The following NEMP2 variants were observed in gnomAD, a reference collection of about 807,000 sequenced individuals.
The protein encoded by NEMP2 is UPF0571 transmembrane protein.
Under a neutral mutation model 54.2 loss-of-function variants are expected in NEMP2, and 53 were observed. The observed-to-expected ratio is 0.98, with a 90% CI of 0.78 to 1.23. NEMP2 has a LOEUF of 1.23. Ranked by LOEUF, NEMP2 falls within the 50% of genes most tolerant of loss-of-function variation. The pLI is 0.00. For missense variants in NEMP2, 455 were observed against 511.3 expected (o/e 0.89, Z 1.06); for synonymous variants, 197 against 190.3 (o/e 1.04, Z -0.29).
the NEMP2 span, among the ~76,000 whole-genome samples, chr2:190,477,899 C>T: frequency 1.3e-5 from 2 of 152,062 alleles, no homozygotes; most frequent in Non-Finnish European, 1.5e-5. Flanking sequence ...TTCTGAAGGG[C>T]GAATAGGAAT....
the NEMP2 span, among the ~76,000 whole-genome samples, chr2:190,456,820 C>A: frequency 2.6e-5 from 4 of 152,228 alleles, no homozygotes; most frequent in African/African-American, 4.8e-5. This position sits in a 1 kb window ranked among gnomAD's most constrained non-coding sequence, Gnocchi z 5.4. Context: ...CAGAAATGAT[C>A]TTTCAGCGCA....
the NEMP2 span, among the ~76,000 whole-genome samples, chr2:190,595,347 A>G: frequency 1.3e-5 from 2 of 152,254 alleles, no homozygotes; most frequent in African/African-American, 4.8e-5. This position sits in a 1 kb window ranked among gnomAD's most constrained non-coding sequence, Gnocchi z 4.0. Flanking sequence ...GGCATGGGCA[A>G]AGACTTCATG....
At chr2:190,497,433 C>G in the NEMP2 span, 4 of 1,611,756 alleles carry the variant, frequency 2.5e-6, no homozygotes, top group Non-Finnish European at 3.4e-6. The surrounding 1 kb of genome is among the most constrained non-coding windows in gnomAD (Gnocchi z 5.2). Flanking sequence ...ATTCTTTTCT[C>G]TCCAGACAAG....
At chr2:190,587,704 A>G in the NEMP2 span, among the ~76,000 whole-genome samples, 1 of 152,156 alleles carries the variant, frequency 6.6e-6, no homozygotes, top group African/African-American at 2.4e-5. The surrounding 1 kb of genome is among the most constrained non-coding windows in gnomAD (Gnocchi z 5.4). Context: ...TGGGGAATAA[A>G]TTGTCCTCTA....
At chr2:190,646,301 C>G in the NEMP2 span, among the ~76,000 whole-genome samples, 3 of 152,188 alleles carry the variant, frequency 2.0e-5, no homozygotes, top group East Asian at 5.8e-4. Context: ...ATGTGAATCT[C>G]TTTGCTTTCC....
At chr2:190,473,379 G>T in the NEMP2 span, among the ~76,000 whole-genome samples, 1 of 152,142 alleles carries the variant, frequency 6.6e-6, no homozygotes, top group Non-Finnish European at 1.5e-5. Context: ...TCAAAATAAA[G>T]GGATGGAGGA....
chr2:190,432,910 A>G, the NEMP2 span, among the ~76,000 whole-genome samples: 1 of 149,846 alleles, frequency 6.7e-6, no homozygotes, highest in African/African-American at 2.5e-5. Flanking sequence ...ATATAAATCT[A>G]ATATAGCTAA....
the NEMP2 span, among the ~76,000 whole-genome samples, chr2:190,454,992 A>ATATGTG: frequency 1.3e-5 from 1 of 78,496 alleles, no homozygotes; most frequent in African/African-American, 3.3e-5. The surrounding 1 kb of genome is among the most constrained non-coding windows in gnomAD (Gnocchi z 4.6). Context: ...ATGTATATGT[A>ATATGTG]TATGTATAAT....
the NEMP2 span, chr2:190,497,487 C>T: frequency 5.0e-6 from 8 of 1,614,064 alleles, no homozygotes; most frequent in Non-Finnish European, 6.8e-6. This position sits in a 1 kb window ranked among gnomAD's most constrained non-coding sequence, Gnocchi z 5.2. Context: ...AGTCCCGTTC[C>T]TATAGCAACC....
chr2:190,598,185 C>T, the NEMP2 span, among the ~76,000 whole-genome samples: 1 of 152,114 alleles, frequency 6.6e-6, no homozygotes, highest in African/African-American at 2.4e-5. Flanking sequence ...CCAAATGTTT[C>T]CTGGGGAGGG....
chr2:190,612,593 G>A, the NEMP2 span, among the ~76,000 whole-genome samples: 1 of 152,100 alleles, frequency 6.6e-6, no homozygotes, highest in Non-Finnish European at 1.5e-5. Flanking sequence ...TGTCCTGAGG[G>A]CTTATCTAGA....
the NEMP2 span, among the ~76,000 whole-genome samples, chr2:190,557,262 T>C: frequency 1.3e-5 from 2 of 152,194 alleles, no homozygotes; most frequent in South Asian, 4.1e-4. Flanking sequence ...TTGGGAAAAC[T>C]GGCTAGCCAT....
the NEMP2 span, among the ~76,000 whole-genome samples, chr2:190,632,833 A>T: frequency 6.6e-6 from 1 of 152,262 alleles, no homozygotes; most frequent in Non-Finnish European, 1.5e-5. This position sits in a 1 kb window ranked among gnomAD's most constrained non-coding sequence, Gnocchi z 4.8. Flanking sequence ...ATATGTGGTC[A>T]TTATAGAATA....
downstream of NEMP2, chr2:190,500,203 C>T (rs752166022): frequency 1.1e-4 from 183 of 1,613,988 alleles, no homozygotes; most frequent in Non-Finnish European, 1.4e-4. This position sits in a 1 kb window ranked among gnomAD's most constrained non-coding sequence, Gnocchi z 5.3. Context: ...CTCAGCTGGC[C>T]GCGGGAGGAC....
the NEMP2 span, among the ~76,000 whole-genome samples, chr2:190,481,793 T>C: frequency 6.6e-6 from 1 of 152,224 alleles, no homozygotes; most frequent in Non-Finnish European, 1.5e-5. Flanking sequence ...TTGCATGTCT[T>C]ATATAAACTT....
chr2:190,605,888 C>G, the NEMP2 span, among the ~76,000 whole-genome samples: 1 of 152,218 alleles, frequency 6.6e-6, no homozygotes, highest in African/African-American at 2.4e-5. Flanking sequence ...CTTGGAGTGT[C>G]TGTTGACAGT....
At chr2:190,581,194 A>T in the NEMP2 span, among the ~76,000 whole-genome samples, 1 of 152,214 alleles carries the variant, frequency 6.6e-6, no homozygotes, top group Non-Finnish European at 1.5e-5. Flanking sequence ...AAAGCTCATA[A>T]GAGCTCAAGG....
At chr2:190,537,714 C>G (rs76331684), upstream of NEMP2, among the ~76,000 whole-genome samples, 1 of 152,092 alleles carries the variant, frequency 6.6e-6, no homozygotes, top group Admixed American at 6.5e-5. Flanking sequence ...TGCAGCCTGA[C>G]GATGCAATAG....
chr2:190,464,403 A>T, the NEMP2 span, among the ~76,000 whole-genome samples: 1 of 152,124 alleles, frequency 6.6e-6, no homozygotes, highest in Non-Finnish European at 1.5e-5. Context: ...GGCATTGTAG[A>T]ATAACTCCAC....
Sources: gnomAD v4.1 joint callset for allele counts (sites outside exome capture counted in the v4.1 genomes callset) on GRCh38, gnomAD v4.1.1 for gene constraint, Gnocchi (gnomAD v3.1) non-coding constraint, MANE v1.5 for transcripts, NCBI Gene and HGNC (gene_info 2026-07-23, HGNC 2026-07-21) for gene names.